Variants in SPAG17 observed in about 807,000 individuals in gnomAD.
SPAG17 encodes sperm-associated antigen 17.
Under a neutral mutation model 273.6 loss-of-function variants are expected in SPAG17, and 169 were observed. The ratio of observed to expected loss-of-function variants is 0.62; its 90% CI spans 0.55 to 0.70. SPAG17 has a LOEUF of 0.70. SPAG17 is among the 30% of genes least tolerant of loss of function. SPAG17 has a pLI of 0.00. For missense variants in SPAG17, 2,557 were observed against 2,627.8 expected, an observed-to-expected ratio of 0.97 and a Z score of 0.59; for synonymous variants, 825 against 873.2, an observed-to-expected ratio of 0.94 and a Z score of 0.97.
intron 15 of SPAG17, among the ~76,000 whole-genome samples, chr1:118,075,099 G>A (rs1311255098): frequency 2.0e-5 from 3 of 152,120 alleles, no homozygotes; most frequent in African/African-American, 2.4e-5. Context: ...AAAATGATAC[G>A]CTTTCACCAT....
intron 4 of SPAG17, among the ~76,000 whole-genome samples, chr1:118,107,363 C>T (rs1285985189): frequency 6.6e-6 from 1 of 152,152 alleles, no homozygotes; most frequent in Non-Finnish European, 1.5e-5. Context: ...GCTCACTTCC[C>T]TTTCTCTCTC....
chr1:117,988,830 C>G (rs1366830699), intron 38 of SPAG17, among the ~76,000 whole-genome samples: 1 of 152,094 alleles, frequency 6.6e-6, no homozygotes, highest in Non-Finnish European at 1.5e-5. Context: ...ATTATCCAAA[C>G]TTATTTTAAT....
At chr1:117,978,733 C>A (rs1387324682) in intron 43 of SPAG17, among the ~76,000 whole-genome samples, 1 of 152,106 alleles carries the variant, frequency 6.6e-6, no homozygotes, top group East Asian at 1.9e-4. Context: ...TGATCTTCAT[C>A]TTGTTCAATC....
At chr1:117,982,053 G>A (rs1443725415) in intron 42 of SPAG17, among the ~76,000 whole-genome samples, 3 of 152,058 alleles carry the variant, frequency 2.0e-5, no homozygotes, top group African/African-American at 7.2e-5. Context: ...GGAGGTCTGA[G>A]ACGCAACCTA....
chr1:118,093,793 G>T (rs1365130774), intron 7 of SPAG17, among the ~76,000 whole-genome samples: 1 of 152,212 alleles, frequency 6.6e-6, no homozygotes, highest in Non-Finnish European at 1.5e-5. Flanking sequence ...ACACAAGTAT[G>T]TGGGCAATCA....
Position 118,173,055 on chromosome 1 carries a change from T to TA in SPAG17, c.87+12015dup, listed in dbSNP as rs539529756. On this transcript the variant is annotated intron_variant, in intron 1 of 48. Transcript: ENST00000336338. ...AATGAAAAAGAAAATCAGAATTTAT[T>TA]AAAAAAAAATCTTAGATCAGAGTGA... Among the ~76,000 whole-genome samples the TA allele has an allele frequency of 5.6e-3, 849 of 150,936 alleles. 10 individuals carry two copies. Among genetic ancestry groups the TA allele is most frequent in the Admixed American group, 0.027 (403 of 15,140 alleles).
intron 48 of SPAG17, chr1:117,961,297 G>GT (rs1268594074): frequency 1.3e-5 from 2 of 151,816 alleles, no homozygotes; most frequent in Admixed American, 1.3e-4. Flanking sequence ...AATAATAATA[G>GT]TAAAAAAAAA....
chr1:117,956,987 A>G, intron 48 of SPAG17: 2 of 1,264,966 alleles, frequency 1.6e-6, no homozygotes, highest in Non-Finnish European at 2.1e-6. Flanking sequence ...AGAAAAAATA[A>G]TAAAGGGAAG....
intron 3 of SPAG17, among the ~76,000 whole-genome samples, chr1:118,118,308 C>T (rs766148445): frequency 2.0e-5 from 3 of 152,112 alleles, no homozygotes; most frequent in Admixed American, 6.5e-5. Flanking sequence ...AGTGTGCGTA[C>T]CTGTGCATAT....
intron 4 of SPAG17, among the ~76,000 whole-genome samples, chr1:118,114,101 A>G (rs1027174019): frequency 1.3e-5 from 2 of 152,162 alleles, no homozygotes; most frequent in African/African-American, 4.8e-5. Flanking sequence ...ATGGCATTGG[A>G]ATTTAAACAG....
chr1:118,015,825 T>C (rs1659903999), intron 29 of SPAG17, 140 bp downstream of exon 29: 4 of 743,700 alleles, frequency 5.4e-6, no homozygotes, highest in Non-Finnish European at 8.6e-6. Context: ...AATCCAATCA[T>C]CCATCCATCC....
In SPAG17 at chr1:118,008,120, T is replaced by C. The variant is rs542796610; in HGVS notation, c.4511A>G (p.Asn1504Ser). ...GGCACAGCAGCTACTGTCCTCACAG[T>C]TGGCGATAACAGTGGCATAGCGTGA... Reference protein sequence around the residue: ...ESSRYATVIANCEDSSCCATF... With the variant: ...ESSRYATVIASCEDSSCCATF... The change falls in exon 31 of 49, where the codon AAC (asparagine) becomes AGC (serine). Residue 1504 changes from asparagine to serine, a missense_variant. Transcript: ENST00000336338. The C allele has an allele frequency of 4.7e-4, 754 of 1,614,104 alleles. 10 individuals carry two copies. In the South Asian group the frequency reaches 7.9e-3, roughly 17 times the overall value.
chr1:118,064,749 AAAAATAAAAT>A (rs919204665), intron 18 of SPAG17, among the ~76,000 whole-genome samples: 6 of 151,380 alleles, frequency 4.0e-5, no homozygotes, highest in East Asian at 1.9e-4. Flanking sequence ...TAATAAAATT[AAAAATAAAAT>A]AAAATAAAAT....
chr1:117,972,766 T>A (rs987688307), intron 44 of SPAG17, among the ~76,000 whole-genome samples: 1 of 115,656 alleles, frequency 8.6e-6, no homozygotes, highest in African/African-American at 3.9e-5. Flanking sequence ...GAACACAGTA[T>A]GCCATGGAAG....
Position 118,081,492 on chromosome 1 carries a change from T to A in SPAG17, c.1913A>T (p.Asn638Ile). The change falls in exon 14 of 49, where the codon AAC becomes ATC. Residue 638 changes from asparagine to isoleucine, a missense_variant. Physicochemically the swap from Asn to Ile is moderately radical, Grantham distance 149 (BLOSUM62 -3). Transcript: ENST00000336338. Reference sequence around the variant, plus strand: ...TATCTGTTTAGCAAATCTGGCAGGGTTGTCCCACGGTATGTTGAACATTTC... The same window carrying A: ...TATCTGTTTAGCAAATCTGGCAGGGATGTCCCACGGTATGTTGAACATTTC... ...DSEMFNIPWDNPARFAKQIRQ... is the reference protein window; with the variant it reads ...DSEMFNIPWDIPARFAKQIRQ... The A allele has an allele frequency of 6.2e-7, 1 of 1,613,852 alleles. No individual in the cohort carries two copies. Among genetic ancestry groups the A allele is most frequent in the Non-Finnish European group, 8.5e-7 (1 of 1,179,994 alleles).
intron 1 of SPAG17, among the ~76,000 whole-genome samples, chr1:118,158,585 T>C (rs940663698): frequency 4.6e-5 from 7 of 152,112 alleles, no homozygotes; most frequent in South Asian, 2.1e-4. Context: ...AAGAAATAAA[T>C]TGAAGTTTAT....
At position 117,996,677 on chromosome 1, in the gene SPAG17, T is replaced by C; in HGVS notation, c.4843A>G (p.Lys1615Glu). The part of the protein sequence containing the change: ...EKKLEDDLNE[K>E]TEGYDSLSSM... ...GACAGACTATCATAGCCCTCAGTTTTCTCATTTAAATCATCTTCCAATTTT... is the reference window on the plus strand; with the variant it reads ...GACAGACTATCATAGCCCTCAGTTTCCTCATTTAAATCATCTTCCAATTTT... Residue 1615 changes from lysine (K) to glutamate (E), a missense_variant, in exon 33 of 49, where the codon AAA becomes GAA. Physicochemically the swap from Lys to Glu is moderately conservative, Grantham distance 56 (BLOSUM62 1). Transcript: ENST00000336338. 1 of 1,612,876 alleles carries C rather than the reference T, an allele frequency of 6.2e-7. No homozygotes were observed. Among genetic ancestry groups the C allele is most frequent in the Non-Finnish European group, 8.5e-7 (1 of 1,179,378 alleles).
chr1:117,956,993 G>A (rs1236900962), intron 48 of SPAG17: 11 of 1,294,168 alleles, frequency 8.5e-6, no homozygotes, highest in Non-Finnish European at 1.0e-5. Flanking sequence ...AATAATAAAG[G>A]GAAGGATTTA....
intron 20 of SPAG17, among the ~76,000 whole-genome samples, chr1:118,047,052 A>G (rs1486510297): frequency 6.6e-6 from 1 of 152,258 alleles, no homozygotes; most frequent in East Asian, 1.9e-4. Context: ...CTTGTTTACA[A>G]GAAACACACT....
Sources: gnomAD v4.1 joint callset for allele counts (sites outside exome capture counted in the v4.1 genomes callset) on GRCh38, gnomAD v4.1.1 for gene constraint, MANE v1.5 for transcripts, NCBI Gene and HGNC (gene_info 2026-07-23, HGNC 2026-07-21) for gene names.